Variants in USP7 observed in about 807,000 individuals in gnomAD.
The protein encoded by USP7 is ubiquitin specific peptidase 7.
In USP7, 9 loss-of-function variants were observed where a neutral mutation model predicts 162.9. The ratio of observed to expected loss-of-function variants is 0.06; its 90% CI spans 0.03 to 0.10. USP7 has a LOEUF of 0.10. Among genes scored for constraint, USP7 ranks in the 10% least tolerant of loss-of-function variants. USP7 has a pLI of 1.00. For missense variants in USP7, 715 were observed against 1,373.7 expected (o/e 0.52, Z 7.58); for synonymous variants, 562 against 475.9 (o/e 1.18, Z -2.35).
intron 1 of USP7, among the ~76,000 whole-genome samples, chr16:8,959,937 C>T (rs991579493): frequency 2.0e-5 from 3 of 152,152 alleles, no homozygotes; most frequent in Non-Finnish European, 2.9e-5. Flanking sequence ...GTCTCAGAGC[C>T]GACACTGAAA....
Position 8,930,366 on chromosome 16 carries a change from A to C in USP7, c.111T>G (p.Thr37=). The C allele has an allele frequency of 1.2e-6, 2 of 1,612,978 alleles. No homozygotes were observed. The highest frequency in any genetic ancestry group is 1.7e-6 in the Non-Finnish European group (2 of 1,179,492). The change falls in exon 2 of 31, where the codon ACT becomes ACG. Residue 37 remains threonine (T), a synonymous_variant. Transcript: ENST00000344836. ...CATTCCCATTGATCACAGGGTTCTG[A>C]GTAATTCTTGGTGGGTCATCTGTAT... ...AGDTDDPPRI[T]QNPVINGNVA... is the part of the protein sequence containing the mutation.
At chr16:8,897,747 A>AT (rs1491214554) in intron 25 of USP7, among the ~76,000 whole-genome samples, 6 of 117,986 alleles carry the variant, frequency 5.1e-5, no homozygotes, top group Non-Finnish European at 8.6e-5. Context: ...ATATATATAT[A>AT]AATGAGTTGG....
At chr16:8,922,253 C>G (rs1341610311) in intron 3 of USP7, among the ~76,000 whole-genome samples, 3 of 152,216 alleles carry the variant, frequency 2.0e-5, no homozygotes, top group Non-Finnish European at 4.4e-5. Context: ...CTTTGGCAGG[C>G]CGAGACAGGC....
chr16:8,928,779 T>A (rs928466775), intron 2 of USP7, among the ~76,000 whole-genome samples: 5 of 152,228 alleles, frequency 3.3e-5, no homozygotes, highest in Non-Finnish European at 5.9e-5. Flanking sequence ...TTTCGGGTCC[T>A]ATGGCGTGGC....
chr16:8,958,663 G>C (rs1019616271), intron 1 of USP7, among the ~76,000 whole-genome samples: 3 of 152,142 alleles, frequency 2.0e-5, no homozygotes, highest in Non-Finnish European at 4.4e-5. Context: ...TCAGGGACCT[G>C]GTTTCCTGCC....
chr16:8,928,866 T>G (rs1898163507), intron 2 of USP7, among the ~76,000 whole-genome samples: 1 of 151,886 alleles, frequency 6.6e-6, no homozygotes, highest in South Asian at 2.1e-4. Flanking sequence ...CATAAGTCAT[T>G]CTCCCCAGGA....
At chr16:8,905,981 C>T (rs1054969212) in intron 13 of USP7, among the ~76,000 whole-genome samples, 14 of 152,082 alleles carry the variant, frequency 9.2e-5, no homozygotes, top group African/African-American at 3.1e-4. Flanking sequence ...TTCCAAGACC[C>T]TCATCTGCCA....
intron 16 of USP7, 86 bp downstream of exon 16, chr16:8,903,182 A>T: frequency 6.5e-7 from 1 of 1,532,954 alleles, no homozygotes; most frequent in Non-Finnish European, 8.8e-7. Context: ...ACCTACCCCC[A>T]AAGGCAATCA....
intron 2 of USP7, among the ~76,000 whole-genome samples, 183 bp from the exon 3 acceptor site, chr16:8,923,596 A>T (rs1897825085): frequency 1.3e-5 from 2 of 152,216 alleles, no homozygotes; most frequent in Admixed American, 1.3e-4. Context: ...TTCTGAATGG[A>T]TTAATTCTTC....
At chr16:8,915,655 C>T (rs1897334607) in intron 8 of USP7, 130 bp from the exon 9 acceptor site, 3 of 799,506 alleles carry the variant, frequency 3.8e-6, no homozygotes, top group East Asian at 2.8e-5. Context: ...CTCTGGCATG[C>T]AATTCTCAAA....
chr16:8,950,336 T>C (rs1899494295), intron 1 of USP7, among the ~76,000 whole-genome samples: 1 of 152,194 alleles, frequency 6.6e-6, no homozygotes, highest in African/African-American at 2.4e-5. Flanking sequence ...CAGTGCTCTC[T>C]GATAAACACT....
At chr16:8,895,843 T>C in intron 26 of USP7, 102 bp from the exon 27 acceptor site, 4 of 654,162 alleles carry the variant, frequency 6.1e-6, no homozygotes, top group East Asian at 7.5e-5. Context: ...CGATATGTTT[T>C]TTTTTTTTTT....
intron 1 of USP7, among the ~76,000 whole-genome samples, chr16:8,960,543 G>A (rs976336907): frequency 6.6e-6 from 1 of 152,170 alleles, no homozygotes; most frequent in African/African-American, 2.4e-5. Flanking sequence ...CCCAGGAGGT[G>A]CAGGCAGGAT....
intron 1 of USP7, chr16:8,962,446 T>C (rs1233666781): frequency 2.2e-6 from 1 of 445,754 alleles, no homozygotes; most frequent in East Asian, 7.1e-5. Context: ...CTTGGAAAAT[T>C]ACTGCCACAT....
At chr16:8,948,971 A>G (rs1899424849) in intron 1 of USP7, among the ~76,000 whole-genome samples, 1 of 152,142 alleles carries the variant, frequency 6.6e-6, no homozygotes, top group South Asian at 2.1e-4. Flanking sequence ...AAAGGGGAAA[A>G]AAAAAAGCTT....
intron 12 of USP7, 74 bp from the exon 13 acceptor site, chr16:8,906,656 C>A: frequency 6.9e-7 from 1 of 1,442,160 alleles, no homozygotes; most frequent in Non-Finnish European, 9.4e-7. Context: ...GTAAGTAAGG[C>A]CATTTAATGT....
In USP7 at chr16:8,915,242, C is replaced by G; in HGVS notation, c.1078+12G>C. ...TCAAAAGATCATGCCATTAGATACA[C>G]ACAACACTTACTATTTTTCTTTCCT... On this transcript the variant is annotated intron_variant, in intron 10 of 30. Transcript: ENST00000344836. 6.9e-6 allele frequency: 11 copies of G among 1,589,046 alleles called. No individual in the cohort carries two copies. Among genetic ancestry groups the G allele is most frequent in the Non-Finnish European group, 9.4e-6 (11 of 1,167,578 alleles).
At chr16:8,962,986 CG>C (rs1207963410) in intron 1 of USP7, 1 of 252,004 alleles carries the variant, frequency 4.0e-6, no homozygotes, top group East Asian at 7.7e-5. Context: ...GACGCGAGGT[CG>C]GGACAATGCA....
chr16:8,947,988 T>C (rs1899364320), intron 1 of USP7, among the ~76,000 whole-genome samples: 1 of 152,184 alleles, frequency 6.6e-6, no homozygotes, highest in African/African-American at 2.4e-5. Flanking sequence ...AGCTTGGACA[T>C]GGTGACAGGC....
Sources: allele counts gnomAD v4.1 joint callset (sites outside exome capture counted in the v4.1 genomes callset), GRCh38; gene constraint gnomAD v4.1.1; transcripts MANE v1.5; gene names NCBI Gene and HGNC (gene_info 2026-07-23, HGNC 2026-07-21).